Variants in MAF observed in about 807,000 individuals in gnomAD.
MAF encodes the protein MAF bZIP transcription factor, also known as transcription factor Maf.
MAF carries 10 observed loss-of-function variants against 22.0 expected under a neutral mutation model. The ratio of observed to expected loss-of-function variants is 0.45; its 90% CI spans 0.28 to 0.77. The LOEUF (loss-of-function observed/expected upper bound fraction) is 0.77. Ranked by LOEUF, MAF falls within the 30% of genes least tolerant of loss-of-function variation. MAF has a pLI of 0.12. For synonymous variants in MAF, 337 were observed against 255.8 expected, an observed-to-expected ratio of 1.32 and a Z score of -3.03; for missense variants, 544 against 548.4, an observed-to-expected ratio of 0.99 and a Z score of 0.08.
the MAF span, among the ~76,000 whole-genome samples, chr16:79,550,784 A>T: frequency 2.2e-4 from 34 of 152,072 alleles, no homozygotes; most frequent in Admixed American, 2.2e-3. Flanking sequence ...TCAGGCACAC[A>T]TAAAAGATTT....
the MAF span, among the ~76,000 whole-genome samples, chr16:79,508,690 G>C: frequency 6.6e-6 from 1 of 152,110 alleles, no homozygotes; most frequent in Non-Finnish European, 1.5e-5. Context: ...ACTACATAAA[G>C]GAAAATCTTG....
At chr16:79,244,837 C>A in the MAF span, among the ~76,000 whole-genome samples, 45 of 152,008 alleles carry the variant, frequency 3.0e-4, no homozygotes, top group African/African-American at 1.1e-3. Flanking sequence ...GCTACAGTAA[C>A]AAAACAGCCT....
downstream of MAF, among the ~76,000 whole-genome samples, chr16:79,590,179 G>C (rs541220385): frequency 6.6e-6 from 1 of 152,078 alleles, no homozygotes; most frequent in South Asian, 2.1e-4. Context: ...ACTGGGATGC[G>C]GTGTTCCTGT....
At chr16:79,253,602 G>A in the MAF span, among the ~76,000 whole-genome samples, 3 of 151,966 alleles carry the variant, frequency 2.0e-5, no homozygotes, top group African/African-American at 4.8e-5. Flanking sequence ...GGTGGGGCGT[G>A]GTCACATACA....
At chr16:79,428,477 T>C in the MAF span, among the ~76,000 whole-genome samples, 3 of 152,172 alleles carry the variant, frequency 2.0e-5, no homozygotes, top group East Asian at 3.9e-4. Context: ...TTCCTTTCAA[T>C]TTGGGGCGAG....
chr16:79,479,113 A>G, the MAF span, among the ~76,000 whole-genome samples: 10 of 150,456 alleles, frequency 6.6e-5, no homozygotes, highest in African/African-American at 2.5e-4. Flanking sequence ...ACCCCAGCAT[A>G]TCTGTATACC....
the MAF span, among the ~76,000 whole-genome samples, chr16:79,238,717 A>G: frequency 1.3e-5 from 2 of 152,052 alleles, no homozygotes; most frequent in African/African-American, 2.4e-5. Context: ...AGTATGGGAT[A>G]TACTTCTGCT....
the MAF span, among the ~76,000 whole-genome samples, chr16:79,552,090 C>A: frequency 6.6e-6 from 1 of 152,140 alleles, no homozygotes; most frequent in Non-Finnish European, 1.5e-5. Context: ...GCCCCAAGAC[C>A]CCCCTGCCCT....
the MAF span, among the ~76,000 whole-genome samples, chr16:79,470,511 T>G: frequency 6.6e-6 from 1 of 152,144 alleles, no homozygotes; most frequent in African/African-American, 2.4e-5. Context: ...GGAGGGCAGG[T>G]CCATATCTTC....
chr16:79,571,991 CTA>C, the MAF span, among the ~76,000 whole-genome samples: 1 of 152,198 alleles, frequency 6.6e-6, no homozygotes, highest in Non-Finnish European at 1.5e-5. Context: ...TAAGAAAAGA[CTA>C]TGACTGCATT....
the MAF span, among the ~76,000 whole-genome samples, chr16:79,351,711 C>T: frequency 1.3e-5 from 2 of 151,908 alleles, no homozygotes; most frequent in Non-Finnish European, 2.9e-5. Context: ...ACCAGAAAGC[C>T]CATTGCCCAC....
chr16:79,545,666 A>C, the MAF span, among the ~76,000 whole-genome samples: 5 of 152,194 alleles, frequency 3.3e-5, no homozygotes, highest in African/African-American at 1.2e-4. Flanking sequence ...ACTAAAATTC[A>C]AAGTATTTCT....
At position 79,594,351 on chromosome 16, in the gene MAF, TTTTA is replaced by T. The variant is rs1567562111; in HGVS notation, c.*105_*108del. 5 of 1,001,550 alleles carry T rather than the reference TTTTA, an allele frequency of 5.0e-6. No individual in the cohort carries two copies. 62.0% of individuals were successfully genotyped at this position (1,001,550 alleles called of 1,614,324 possible). A position where few individuals can be genotyped will look rare whatever the true frequency, so the allele number is the denominator to read the frequency against. ...TAGCCTTCTTCTCTAACACAGTAATTTTTATTTAAAAAGGAGACTAAACAGAAGT... is the reference window on the plus strand; with the variant it reads ...TAGCCTTCTTCTCTAACACAGTAATTTTTAAAAAGGAGACTAAACAGAAGT... On this transcript the variant is annotated 3_prime_UTR_variant, in exon 2 of 2. Coordinates refer to ENST00000326043, the MANE Select transcript of MAF (RefSeq NM_005360.5).
At chr16:79,523,137 G>C in the MAF span, among the ~76,000 whole-genome samples, 1 of 152,270 alleles carries the variant, frequency 6.6e-6, no homozygotes, top group East Asian at 1.9e-4. Flanking sequence ...GGTCAATACT[G>C]TTTGATAGCA....
chr16:79,275,769 G>C, the MAF span, among the ~76,000 whole-genome samples: 2 of 152,168 alleles, frequency 1.3e-5, no homozygotes, highest in African/African-American at 2.4e-5. Context: ...GGCAAGAGGA[G>C]AACCATAGTG....
the MAF span, among the ~76,000 whole-genome samples, chr16:79,547,082 T>G: frequency 1.3e-5 from 2 of 152,144 alleles, no homozygotes; most frequent in African/African-American, 4.8e-5. Flanking sequence ...AAAAGTTCCT[T>G]TCTGAAATCA....
At chr16:79,363,088 C>A in the MAF span, among the ~76,000 whole-genome samples, 19 of 151,158 alleles carry the variant, frequency 1.3e-4, no homozygotes, top group Non-Finnish European at 2.5e-4. Context: ...GGGGAACATG[C>A]AGGGAAGAAG....
chr16:79,442,882 T>C, the MAF span, among the ~76,000 whole-genome samples: 3 of 152,124 alleles, frequency 2.0e-5, no homozygotes, highest in Non-Finnish European at 4.4e-5. Context: ...CTGGCTGTAA[T>C]GGGTACTCAG....
chr16:79,382,367 G>A, the MAF span, among the ~76,000 whole-genome samples: 5 of 152,188 alleles, frequency 3.3e-5, no homozygotes, highest in Admixed American at 6.5e-5. Context: ...TATCAGATCT[G>A]TCCAACAGAA....
Sources: gnomAD v4.1 joint callset for allele counts (sites outside exome capture counted in the v4.1 genomes callset) on GRCh38, gnomAD v4.1.1 for gene constraint, MANE v1.5 for transcripts, NCBI Gene and HGNC (gene_info 2026-07-23, HGNC 2026-07-21) for gene names.